The following VWA3B variants were observed in gnomAD, a reference collection of about 807,000 sequenced individuals.
The protein encoded by VWA3B is von Willebrand factor A domain containing 3B.
VWA3B carries 138 observed loss-of-function variants against 158.3 expected under a neutral mutation model. The ratio of observed to expected loss-of-function variants is 0.87; its 90% CI spans 0.76 to 1.00. The LOEUF (loss-of-function observed/expected upper bound fraction) is 1.00. Ranked by LOEUF, VWA3B falls within the 50% of genes least tolerant of loss-of-function variation. VWA3B has a pLI of 0.00. For missense variants in VWA3B, 1,555 were observed against 1,565.1 expected (o/e 0.99, Z 0.11); for synonymous variants, 596 against 587.3 (o/e 1.01, Z -0.21).
chr2:98,103,750 G>A (rs1683242376), intron 2 of VWA3B, among the ~76,000 whole-genome samples: 1 of 152,094 alleles, frequency 6.6e-6, no homozygotes, highest in South Asian at 2.1e-4. Flanking sequence ...ACAGTTGTTA[G>A]GTAGTATTTA....
chr2:98,156,982 C>T (rs1342186144), intron 7 of VWA3B, among the ~76,000 whole-genome samples: 1 of 152,016 alleles, frequency 6.6e-6, no homozygotes, highest in East Asian at 1.9e-4. Context: ...GGTGATGGTT[C>T]ATTTTTGGGT....
chr2:98,145,759 G>C (rs1019394312), intron 7 of VWA3B, among the ~76,000 whole-genome samples: 1 of 149,730 alleles, frequency 6.7e-6, no homozygotes, highest in Admixed American at 6.7e-5. Flanking sequence ...TCACTCTGTT[G>C]CCTAGGCTGG....
At chr2:98,273,288 TTTTG>T (rs1345798687) in intron 22 of VWA3B, among the ~76,000 whole-genome samples, 1 of 152,226 alleles carries the variant, frequency 6.6e-6, no homozygotes, top group Admixed American at 6.5e-5. Context: ...TTTCATTTTG[TTTTG>T]TTTGTTCTCT....
At chr2:98,190,729 A>G (rs1681505198) in intron 10 of VWA3B, among the ~76,000 whole-genome samples, 1 of 152,006 alleles carries the variant, frequency 6.6e-6, no homozygotes, top group Non-Finnish European at 1.5e-5. Flanking sequence ...CTCCTGTCAT[A>G]TTTTTGTTTG....
intron 21 of VWA3B, among the ~76,000 whole-genome samples, chr2:98,261,512 T>C (rs1687477506): frequency 6.6e-6 from 1 of 151,820 alleles, no homozygotes; most frequent in African/African-American, 2.4e-5. Flanking sequence ...TATTTCTTCA[T>C]ATGGCTTAGA....
intron 13 of VWA3B, among the ~76,000 whole-genome samples, chr2:98,215,867 C>G (rs1219998588): frequency 6.6e-6 from 1 of 151,230 alleles, no homozygotes; most frequent in African/African-American, 2.4e-5. Flanking sequence ...AAAAGACTGC[C>G]CTTTCGACAC....
chr2:98,239,870 C>T (rs563949469), intron 19 of VWA3B, among the ~76,000 whole-genome samples: 9 of 150,110 alleles, frequency 6.0e-5, no homozygotes, highest in Non-Finnish European at 1.0e-4. Context: ...GCTGAGATCA[C>T]GCTACTGCAC....
At chr2:98,328,171 T>G in the VWA3B span, among the ~76,000 whole-genome samples, 1 of 152,082 alleles carries the variant, frequency 6.6e-6, no homozygotes, top group Non-Finnish European at 1.5e-5. Context: ...ATGGTGATAT[T>G]TTTTTTCTTG....
chr2:98,263,673 C>T (rs756888497), intron 21 of VWA3B, among the ~76,000 whole-genome samples: 5 of 151,968 alleles, frequency 3.3e-5, no homozygotes, highest in Admixed American at 3.3e-4. Flanking sequence ...CATCACTGTT[C>T]ACCAGGGACA....
chr2:98,171,718 C>A (rs530116092), intron 8 of VWA3B, among the ~76,000 whole-genome samples: 4 of 151,734 alleles, frequency 2.6e-5, no homozygotes, highest in African/African-American at 9.7e-5. Context: ...GGGTGGGAAA[C>A]AAGTTGGAGA....
At chr2:98,279,208 G>C (rs1421697796) in intron 22 of VWA3B, among the ~76,000 whole-genome samples, 2 of 152,152 alleles carry the variant, frequency 1.3e-5, no homozygotes, top group African/African-American at 4.8e-5. Flanking sequence ...TGAAAGAAGG[G>C]GGAAAATATC....
At chr2:98,114,090 T>C (rs1674343987) in intron 2 of VWA3B, among the ~76,000 whole-genome samples, 1 of 152,224 alleles carries the variant, frequency 6.6e-6, no homozygotes, top group Non-Finnish European at 1.5e-5. Flanking sequence ...AATAGCTCTT[T>C]TTATATTTCG....
chr2:98,104,562 T>C (rs569894921), intron 2 of VWA3B, among the ~76,000 whole-genome samples: 46 of 152,316 alleles, frequency 3.0e-4, no homozygotes, highest in African/African-American at 1.1e-3. Flanking sequence ...AGGCTTCACC[T>C]CCAACATTGG....
At chr2:98,322,132 C>T in the VWA3B span, among the ~76,000 whole-genome samples, 1 of 152,214 alleles carries the variant, frequency 6.6e-6, no homozygotes, top group South Asian at 2.1e-4. Flanking sequence ...GAGTCCATTA[C>T]ACTTCTTTCC....
intron 12 of VWA3B, among the ~76,000 whole-genome samples, chr2:98,205,284 C>CA (rs200079810): frequency 6.6e-6 from 1 of 152,036 alleles, no homozygotes; most frequent in South Asian, 2.1e-4. Flanking sequence ...AAAAAGTGTT[C>CA]ATTTTTTTCT....
intron 12 of VWA3B, among the ~76,000 whole-genome samples, chr2:98,197,062 A>C (rs1003320647): frequency 1.3e-5 from 2 of 152,332 alleles, no homozygotes; most frequent in African/African-American, 4.8e-5. Context: ...GATCCAGCCA[A>C]GGATCTCACA....
chr2:98,260,087 A>G lies in VWA3B; in HGVS notation c.2843+3913A>G, dbSNP rs1304923076. On this transcript the variant is annotated intron_variant, in intron 21 of 27. Transcript: ENST00000477737. ...AGCTTTATTCCATTGTGGGTGGGAA[A>G]TATACTTTGTGTGATTTTTGACCAT... is the stretch of plus-strand genomic sequence containing the variant. Among the ~76,000 whole-genome samples, 3 of 151,662 alleles carry G rather than the reference A, an allele frequency of 2.0e-5. No individual in the cohort carries two copies. In the East Asian group the frequency reaches 5.8e-4, roughly 29 times the overall value.
intron 8 of VWA3B, chr2:98,179,237 C>T (rs1029016201): frequency 8.5e-6 from 4 of 471,098 alleles, no homozygotes; most frequent in Non-Finnish European, 1.8e-5. Context: ...AGCTCATTCT[C>T]CCTTAGGTGC....
At chr2:98,267,549 G>C (rs1261086368) in intron 21 of VWA3B, among the ~76,000 whole-genome samples, 1 of 151,982 alleles carries the variant, frequency 6.6e-6, no homozygotes, top group African/African-American at 2.4e-5. Context: ...AGTGTGTAGA[G>C]GGAAATTTAT....
Sources: allele counts gnomAD v4.1 joint callset (sites outside exome capture counted in the v4.1 genomes callset), GRCh38; gene constraint gnomAD v4.1.1; transcripts MANE v1.5; gene names NCBI Gene and HGNC (gene_info 2026-07-23, HGNC 2026-07-21).